The following PIAS2 variants were observed in gnomAD, a reference collection of about 807,000 sequenced individuals.
PIAS2 encodes the protein protein inhibitor of activated STAT 2, also known as E3 SUMO-protein ligase PIAS2.
In PIAS2, 19 loss-of-function variants were observed where a neutral mutation model predicts 69.7. That is an observed-to-expected ratio of 0.27 (90% CI 0.19 to 0.40). The LOEUF is 0.40. Among genes scored for constraint, PIAS2 ranks in the 10% least tolerant of loss-of-function variants. The probability of loss-of-function intolerance (pLI) is 1.00; values close to 1 mark genes in which losing one functional copy is unlikely to be tolerated. For missense variants in PIAS2, 624 were observed against 757.0 expected (o/e 0.82, Z 2.06); for synonymous variants, 261 against 263.2 (o/e 0.99, Z 0.08).
At position 46,807,802 on chromosome 18, in the gene PIAS2, T is replaced by G. The variant is rs1294630465; in HGVS notation, c.*4631A>C. On this transcript the variant is annotated 3_prime_UTR_variant, in exon 14 of 14. Coordinates refer to ENST00000585916, the MANE Select transcript of PIAS2 (RefSeq NM_004671.5). ...GAGTCAGAAAGGCAGAGGGTCTTAG[T>G]GCAGATGCCTGCATAAAGATAAAAC... 1 of 152,248 alleles carries G rather than the reference T, an allele frequency of 6.6e-6. No individual in the cohort carries two copies. The highest frequency in any genetic ancestry group is 1.5e-5 in the Non-Finnish European group (1 of 68,048). The allele number at this position is 152,248 out of a possible 1,614,324, so 9.4% of individuals were successfully genotyped here. A position where few individuals can be genotyped will look rare whatever the true frequency, so the allele number is the denominator to read the frequency against.
At chr18:46,872,664 T>C (rs1261649399) in intron 2 of PIAS2, among the ~76,000 whole-genome samples, 4 of 152,212 alleles carry the variant, frequency 2.6e-5, no homozygotes, top group African/African-American at 7.2e-5. Flanking sequence ...GGACACTTAA[T>C]AAGTAAAGGC....
chr18:46,852,639 C>T (rs2047136399), intron 5 of PIAS2: 1 of 152,210 alleles, frequency 6.6e-6, no homozygotes. Context: ...ATTCTTCTCC[C>T]TCAAAAGAAC....
At chr18:46,876,363 C>T (rs922791277) in intron 2 of PIAS2, among the ~76,000 whole-genome samples, 2 of 152,164 alleles carry the variant, frequency 1.3e-5, no homozygotes, top group Non-Finnish European at 2.9e-5. Context: ...TGAGTCCATA[C>T]TATTCTGGTG....
chr18:46,822,147 T>A (rs1381138598), intron 11 of PIAS2, among the ~76,000 whole-genome samples: 1 of 152,204 alleles, frequency 6.6e-6, no homozygotes, highest in African/African-American at 2.4e-5. Context: ...ACAAATTGCA[T>A]GACATTCTTT....
At chr18:46,831,823 C>A (rs2043665726) in intron 9 of PIAS2, among the ~76,000 whole-genome samples, 2 of 152,216 alleles carry the variant, frequency 1.3e-5, no homozygotes, top group East Asian at 3.9e-4. Flanking sequence ...AAATAATAAA[C>A]CTAAGTGTAA....
chr18:46,917,423 G>T lies in PIAS2; in HGVS notation c.-78C>A, dbSNP rs1311461743. On this transcript the variant is annotated 5_prime_UTR_variant, in exon 1 of 14. Coordinates refer to ENST00000585916, the MANE Select transcript of PIAS2 (RefSeq NM_004671.5). ...CCGCCAACGACGCTGCCGCCACCAC[G>T]GCCGCCGCCGCCTCCAGCACCATCC... 3.7e-6 allele frequency: 5 copies of T among 1,365,686 alleles called. No homozygotes were observed. The highest frequency in any genetic ancestry group is 4.7e-6 in the Non-Finnish European group (5 of 1,057,950). The allele number at this position is 1,365,686 out of a possible 1,614,324, so 84.6% of individuals were successfully genotyped here. A position where few individuals can be genotyped will look rare whatever the true frequency, so the allele number is the denominator to read the frequency against.
In PIAS2 at chr18:46,806,359, T is replaced by G. The variant is rs1244395267; in HGVS notation, c.*6074A>C. ...CTTTGCACAATGCCTGTTACTTTTT[T>G]TTTTTTTTTTTTTTTTTTTTTTTGG... On this transcript the variant is annotated 3_prime_UTR_variant, in exon 14 of 14. Coordinates refer to ENST00000585916, the MANE Select transcript of PIAS2 (RefSeq NM_004671.5). 7 of 97,966 alleles carry G rather than the reference T, an allele frequency of 7.1e-5. No homozygotes were observed. The highest frequency in any genetic ancestry group is 2.5e-4 in the African/African-American group (6 of 24,396). 6.1% of individuals were successfully genotyped at this position (97,966 alleles called of 1,614,324 possible).
intron 6 of PIAS2, 70 bp downstream of exon 6, chr18:46,846,637 T>G: frequency 7.0e-7 from 1 of 1,430,230 alleles, no homozygotes; most frequent in Non-Finnish European, 9.3e-7. Flanking sequence ...GCCAACAGCT[T>G]AAGAAAAAAC....
rs2058108363 is a variant in PIAS2, at chr18:46,917,429, C to A, written c.-84G>T. 5 of 1,364,266 alleles carry A rather than the reference C, an allele frequency of 3.7e-6. No homozygotes were observed. Among genetic ancestry groups the A allele is most frequent in the Non-Finnish European group, 4.7e-6 (5 of 1,057,356 alleles). 84.5% of individuals were successfully genotyped at this position (1,364,266 alleles called of 1,614,324 possible). A position where few individuals can be genotyped will look rare whatever the true frequency, so the allele number is the denominator to read the frequency against. On this transcript the variant is annotated 5_prime_UTR_variant, in exon 1 of 14. Coordinates refer to ENST00000585916, the MANE Select transcript of PIAS2 (RefSeq NM_004671.5). ...ACGACGCTGCCGCCACCACGGCCGC[C>A]GCCGCCTCCAGCACCATCCTGCACT... is the stretch of plus-strand genomic sequence containing the variant.
chr18:46,849,886 T>A (rs991812562), intron 5 of PIAS2, among the ~76,000 whole-genome samples: 2 of 152,168 alleles, frequency 1.3e-5, no homozygotes, highest in Non-Finnish European at 2.9e-5. Context: ...AATACACATT[T>A]CTTTTTGTCC....
chr18:46,888,920 G>T (rs2053632854), intron 2 of PIAS2, among the ~76,000 whole-genome samples: 1 of 152,144 alleles, frequency 6.6e-6, no homozygotes, highest in Non-Finnish European at 1.5e-5. Context: ...AGAGAACCTG[G>T]AAATAAAACC....
intron 3 of PIAS2, among the ~76,000 whole-genome samples, chr18:46,857,787 T>C (rs962160834): frequency 5.3e-5 from 8 of 152,230 alleles, no homozygotes; most frequent in African/African-American, 1.9e-4. Flanking sequence ...AGGCATCTTC[T>C]GACATTCATT....
chr18:46,868,019 A>G (rs1028900767), intron 2 of PIAS2, among the ~76,000 whole-genome samples: 5 of 152,250 alleles, frequency 3.3e-5, no homozygotes, highest in African/African-American at 1.2e-4. Flanking sequence ...CCAAGTCATC[A>G]GGTGGCATAG....
chr18:46,904,105 GGA>G (rs1447799775), intron 1 of PIAS2: 3 of 152,112 alleles, frequency 2.0e-5, no homozygotes, highest in Non-Finnish European at 2.9e-5. Context: ...ACAATACTTT[GGA>G]GAGAGGGATC....
intron 11 of PIAS2, among the ~76,000 whole-genome samples, chr18:46,826,271 T>C (rs992969558): frequency 6.6e-6 from 1 of 152,230 alleles, no homozygotes; most frequent in South Asian, 2.1e-4. Flanking sequence ...CTCTGCATAC[T>C]GAGGTCATTT....
rs560059255 is a variant in PIAS2, at chr18:46,894,409, G to C, written c.25-3355C>G. 6.6e-4 allele frequency among the ~76,000 whole-genome samples: 100 copies of C among 152,200 alleles called. 3 individuals are homozygous for C. In the South Asian group the frequency reaches 0.02, roughly 30 times the overall value. On this transcript the variant is annotated intron_variant, in intron 1 of 13. Coordinates refer to ENST00000585916, the MANE Select transcript of PIAS2 (RefSeq NM_004671.5). ...ACACTACCAAGAATGGATTTCAGTT[G>C]TTTTTCTCCACCAACCTCTGATGTT...
chr18:46,896,908 A>G (rs1280758749), intron 1 of PIAS2, among the ~76,000 whole-genome samples: 1 of 152,234 alleles, frequency 6.6e-6, no homozygotes, highest in Non-Finnish European at 1.5e-5. Flanking sequence ...CAGTCATAAG[A>G]TTGAGTATTT....
At position 46,812,580 on chromosome 18, in the gene PIAS2, G is replaced by A; in HGVS notation, c.1719C>T (p.Thr573=). 6.2e-7 allele frequency: 1 copy of A among 1,613,180 alleles called. No individual in the cohort carries two copies. The highest frequency in any genetic ancestry group is 1.7e-5 in the Admixed American group (1 of 59,996). Residue 573 remains threonine (T), a synonymous_variant, in exon 14 of 14, where the codon ACC becomes ACT. Coordinates refer to ENST00000585916, the MANE Select transcript of PIAS2 (RefSeq NM_004671.5). ...YCPPMFLDSL[T]SPLTASSTSV... is the part of the protein sequence containing the mutation. Reference sequence around the variant, plus strand: ...ACGTACTGCTTGCTGTTAAGGGTGAGGTGAGACTATCCAAAAACATAGGAG... The same window carrying A: ...ACGTACTGCTTGCTGTTAAGGGTGAAGTGAGACTATCCAAAAACATAGGAG...
chr18:46,824,627 T>C (rs563601451), intron 11 of PIAS2, among the ~76,000 whole-genome samples: 1 of 152,280 alleles, frequency 6.6e-6, no homozygotes, highest in African/African-American at 2.4e-5. Flanking sequence ...AGGTGAGATA[T>C]TTTTTGCTTT....
Sources: gnomAD v4.1 joint callset for allele counts (sites outside exome capture counted in the v4.1 genomes callset) on GRCh38, gnomAD v4.1.1 for gene constraint, MANE v1.5 for transcripts, NCBI Gene and HGNC (gene_info 2026-07-23, HGNC 2026-07-21) for gene names.